The following PPP3CC variants were observed in gnomAD, a reference collection of about 807,000 sequenced individuals.
The protein encoded by PPP3CC is serine/threonine-protein phosphatase 2B catalytic subunit gamma isoform.
A neutral mutation model predicts 60.3 loss-of-function variants in PPP3CC; 35 were observed. The observed-to-expected ratio is 0.58, with a 90% CI of 0.44 to 0.77. The LOEUF (loss-of-function observed/expected upper bound fraction) is 0.77, where lower values mean the gene tolerates loss of function less well. Among genes scored for constraint, PPP3CC ranks in the 30% least tolerant of loss-of-function variants. The pLI, the probability that PPP3CC is intolerant of heterozygous loss-of-function variation, is 0.00. For synonymous variants in PPP3CC, 206 were observed against 224.3 expected (o/e 0.92, Z 0.73); for missense variants, 570 against 628.9 (o/e 0.91, Z 1.00).
intron 12 of PPP3CC, among the ~76,000 whole-genome samples, chr8:22,536,084 G>A (rs1159237821): frequency 2.0e-5 from 3 of 152,144 alleles, no homozygotes; most frequent in Non-Finnish European, 4.4e-5. Flanking sequence ...ATAGAATACT[G>A]AGATATTAGA....
chr8:22,498,138 CT>C, intron 4 of PPP3CC, 26 bp downstream of exon 4: 4 of 1,478,302 alleles, frequency 2.7e-6, no homozygotes, highest in Non-Finnish European at 3.8e-6. Context: ...CCTCTAGAAC[CT>C]TTTTAGTTAC....
intron 6 of PPP3CC, among the ~76,000 whole-genome samples, chr8:22,516,937 T>G (rs1337446826): frequency 6.6e-6 from 1 of 152,210 alleles, no homozygotes; most frequent in African/African-American, 2.4e-5. Flanking sequence ...GAATCAACAG[T>G]GTAAATGACC....
intron 3 of PPP3CC, among the ~76,000 whole-genome samples, chr8:22,477,832 A>T (rs1229845595): frequency 6.8e-6 from 1 of 146,772 alleles, no homozygotes; most frequent in Non-Finnish European, 1.5e-5. Context: ...AACAACTTTT[A>T]AAATATTTAT....
rs1839404582 is a variant in PPP3CC at position 22,521,536 on chromosome 8, A to G, written c.771-955A>G. Among the ~76,000 whole-genome samples the G allele has an allele frequency of 3.9e-5, 6 of 152,222 alleles. 1 individual carries two copies. The South Asian group carries it at 1.2e-3, about 32-fold the overall frequency. ...TTTCATAACCACCTACCTCAATCCT[A>G]AGGTTCTTACAATGGCACTTATGGC... On this transcript the variant is annotated intron_variant, in intron 6 of 13. Coordinates refer to ENST00000240139, the MANE Select transcript of PPP3CC (RefSeq NM_005605.5).
At chr8:22,476,457 A>G (rs1286507237) in intron 3 of PPP3CC, among the ~76,000 whole-genome samples, 2 of 152,156 alleles carry the variant, frequency 1.3e-5, no homozygotes, top group Admixed American at 1.3e-4. Context: ...TCACTGTACT[A>G]AGTGTGTTTC....
chr8:22,520,723 A>G (rs2461478), intron 6 of PPP3CC, among the ~76,000 whole-genome samples: 69,158 of 151,662 alleles, frequency 0.46, 15,743 homozygotes, highest in East Asian at 0.56. Context: ...TGCTTTCCTG[A>G]TTTTGTTTAG....
chr8:22,512,602 G>C (rs2461490), intron 5 of PPP3CC, among the ~76,000 whole-genome samples: 82,766 of 152,042 alleles, frequency 0.54, 23,612 homozygotes, highest in African/African-American at 0.72. Flanking sequence ...CATTTCTGCT[G>C]TCATGGTAAC....
At chr8:22,464,018 C>T (rs1837442828) in intron 1 of PPP3CC, among the ~76,000 whole-genome samples, 1 of 151,908 alleles carries the variant, frequency 6.6e-6, no homozygotes, top group African/African-American at 2.4e-5. Context: ...GAACTCCTGA[C>T]CTCAGGTGAT....
At chr8:22,485,728 G>A (rs550984679) in intron 3 of PPP3CC, among the ~76,000 whole-genome samples, 4 of 152,296 alleles carry the variant, frequency 2.6e-5, no homozygotes, top group Non-Finnish European at 5.9e-5. Context: ...TGTTTTATTT[G>A]TGAAGAAAGA....
chr8:22,495,383 GT>G (rs1295940647), intron 3 of PPP3CC, among the ~76,000 whole-genome samples: 2 of 152,008 alleles, frequency 1.3e-5, no homozygotes, highest in Non-Finnish European at 1.5e-5. Context: ...GGTCATTTAG[GT>G]TGTTCCTAAT....
chr8:22,504,304 A>C (rs541561703), intron 4 of PPP3CC, among the ~76,000 whole-genome samples: 9 of 152,228 alleles, frequency 5.9e-5, no homozygotes, highest in African/African-American at 2.2e-4. Flanking sequence ...CAGTTAAACA[A>C]AATTTATTTT....
At chr8:22,509,827 A>G (rs910866451) in intron 4 of PPP3CC, among the ~76,000 whole-genome samples, 1 of 152,094 alleles carries the variant, frequency 6.6e-6, no homozygotes, top group Non-Finnish European at 1.5e-5. Flanking sequence ...TCAGCCTCCC[A>G]AGTAGCTTGG....
intron 3 of PPP3CC, among the ~76,000 whole-genome samples, chr8:22,497,641 C>A (rs1406223628): frequency 6.6e-6 from 1 of 152,124 alleles, no homozygotes; most frequent in Non-Finnish European, 1.5e-5. Flanking sequence ...TACCCTTACA[C>A]CAGTTTTGAA....
At chr8:22,533,668 T>C (rs1488148143) in intron 12 of PPP3CC, among the ~76,000 whole-genome samples, 2 of 151,434 alleles carry the variant, frequency 1.3e-5, no homozygotes, top group Non-Finnish European at 2.9e-5. Flanking sequence ...CTACTAAAAA[T>C]AGAAAAATTA....
chr8:22,442,105 T>C (rs1836690064), intron 1 of PPP3CC, among the ~76,000 whole-genome samples: 1 of 152,242 alleles, frequency 6.6e-6, no homozygotes, highest in Non-Finnish European at 1.5e-5. Flanking sequence ...GTTGTTGTTA[T>C]AAGAACAAAA....
intron 3 of PPP3CC, among the ~76,000 whole-genome samples, chr8:22,480,761 G>A (rs1470700846): frequency 6.6e-6 from 1 of 152,286 alleles, no homozygotes; most frequent in East Asian, 1.9e-4. Flanking sequence ...TTACAGGTGT[G>A]AGCCACTGCA....
chr8:22,454,440 C>CT (rs1368661863), intron 1 of PPP3CC, among the ~76,000 whole-genome samples: 5 of 151,928 alleles, frequency 3.3e-5, no homozygotes, highest in Non-Finnish European at 5.9e-5. Context: ...TTACAGTTAC[C>CT]TTTTTTTTGT....
chr8:22,491,457 C>A (rs1374542431), intron 3 of PPP3CC, among the ~76,000 whole-genome samples: 1 of 152,148 alleles, frequency 6.6e-6, no homozygotes, highest in East Asian at 1.9e-4. Flanking sequence ...CATATGCCAG[C>A]CATTCAGCTC....
intron 10 of PPP3CC, 82 bp from the exon 11 acceptor site, chr8:22,532,138 TTTAAC>T: frequency 2.2e-6 from 2 of 902,536 alleles, no homozygotes; most frequent in Non-Finnish European, 1.7e-6. Flanking sequence ...CAATTGTTTC[TTTAAC>T]TTAAGACACT....
Sources: allele counts gnomAD v4.1 joint callset (sites outside exome capture counted in the v4.1 genomes callset), GRCh38; gene constraint gnomAD v4.1.1; transcripts MANE v1.5; gene names NCBI Gene and HGNC (gene_info 2026-07-23, HGNC 2026-07-21).